NCOA2: variants seen among roughly 807,000 people sequenced by gnomAD.
NCOA2 encodes nuclear receptor coactivator 2, also known as class E basic helix-loop-helix protein 75.
In NCOA2, 21 loss-of-function variants were observed where a neutral mutation model predicts 145.1. The ratio of observed to expected loss-of-function variants is 0.14; its 90% CI spans 0.10 to 0.21. The LOEUF is 0.21. NCOA2 is among the 10% of genes least tolerant of loss of function. The pLI is 1.00. For missense variants in NCOA2, 1,472 were observed against 1,837.6 expected (o/e 0.80, Z 3.64); for synonymous variants, 619 against 637.5 (o/e 0.97, Z 0.44).
intron 4 of NCOA2, among the ~76,000 whole-genome samples, chr8:70,197,517 A>C (rs1586055511): frequency 6.6e-6 from 1 of 152,250 alleles, no homozygotes; most frequent in Non-Finnish European, 1.5e-5. Context: ...TGAGAGCCCC[A>C]CAACGACAGG....
At chr8:70,220,612 T>C (rs985851482) in intron 2 of NCOA2, among the ~76,000 whole-genome samples, 5 of 152,150 alleles carry the variant, frequency 3.3e-5, no homozygotes, top group Non-Finnish European at 7.4e-5. Flanking sequence ...ACAAAGCCAG[T>C]TGAATCCTTA....
In NCOA2 at chr8:70,174,871, A is replaced by G. The variant is rs747428854; in HGVS notation, c.260-12T>C. On this transcript the variant is annotated splice_polypyrimidine_tract_variant and intron_variant, in intron 4 of 22. Transcript: ENST00000452400. ...AGCTGCTGCTTTCTCTGCAATAAAC[A>G]TAAGTGTGAATTAAATGGCAGTGCT... The G allele has an allele frequency of 5.7e-5, 92 of 1,607,626 alleles. 1 individual carries two copies. Among genetic ancestry groups the G allele is most frequent in the Admixed American group, 2.5e-4 (15 of 59,970 alleles).
chr8:70,121,650 A>G (rs1472634101), intron 21 of NCOA2, among the ~76,000 whole-genome samples: 1 of 152,224 alleles, frequency 6.6e-6, no homozygotes, highest in Non-Finnish European at 1.5e-5. Flanking sequence ...AATCAAATTC[A>G]ATTGACTTAA....
intron 2 of NCOA2, among the ~76,000 whole-genome samples, chr8:70,296,490 G>A (rs1827099721): frequency 6.6e-6 from 1 of 152,120 alleles, no homozygotes; most frequent in Non-Finnish European, 1.5e-5. Flanking sequence ...CTCATCCAAT[G>A]GGTATAATGT....
chr8:70,366,087 A>G (rs1234657321), intron 1 of NCOA2, among the ~76,000 whole-genome samples: 2 of 152,240 alleles, frequency 1.3e-5, no homozygotes, highest in African/African-American at 2.4e-5. Context: ...TTCTCTTACC[A>G]GCATTAAACA....
intron 4 of NCOA2, among the ~76,000 whole-genome samples, chr8:70,187,881 C>CTAGAAGCTTAG (rs1435298204): frequency 6.6e-6 from 1 of 152,226 alleles, no homozygotes; most frequent in Non-Finnish European, 1.5e-5. Flanking sequence ...TAGATGCTAA[C>CTAGAAGCTTAG]TAATTTAGTA....
chr8:70,229,281 T>C (rs537816362), intron 2 of NCOA2, among the ~76,000 whole-genome samples: 1 of 152,292 alleles, frequency 6.6e-6, no homozygotes, highest in Non-Finnish European at 1.5e-5. Context: ...CAGAATTTGA[T>C]CTCATGAAAT....
At chr8:70,449,091 C>CCA in the NCOA2 span, among the ~76,000 whole-genome samples, 1 of 152,182 alleles carries the variant, frequency 6.6e-6, no homozygotes, top group Non-Finnish European at 1.5e-5. Context: ...CAGGCGTGAA[C>CCA]CACAGCACCT....
intron 11 of NCOA2, among the ~76,000 whole-genome samples, chr8:70,155,435 G>T (rs1812171508): frequency 1.3e-5 from 2 of 152,224 alleles, no homozygotes; most frequent in African/African-American, 4.8e-5. Context: ...TCAAGGAAGT[G>T]ATTATCTCCA....
the NCOA2 span, among the ~76,000 whole-genome samples, chr8:70,416,198 T>G: frequency 7.9e-5 from 12 of 151,002 alleles, no homozygotes; most frequent in South Asian, 1.7e-3. Flanking sequence ...TTTTTTTGTT[T>G]TTTTTTTTTT....
At position 70,307,328 on chromosome 8, in the gene NCOA2, A is replaced by G. The variant is rs1993691; in HGVS notation, c.-76-10528T>C. On this transcript the variant is annotated intron_variant, in intron 1 of 22. Coordinates refer to ENST00000452400, the MANE Select transcript of NCOA2 (RefSeq NM_006540.4). ...TGACAAAATGAGAACTTTACTTGAC[A>G]CAAGGAATTTCATTAGAAAAGAAGA... 1.2e-3 allele frequency among the ~76,000 whole-genome samples: 177 copies of G among 152,238 alleles called. 1 individual carries two copies. In the East Asian group the frequency reaches 0.026, roughly 23 times the overall value.
At chr8:70,333,062 A>G (rs988810420) in intron 1 of NCOA2, among the ~76,000 whole-genome samples, 4 of 152,216 alleles carry the variant, frequency 2.6e-5, no homozygotes, top group Non-Finnish European at 4.4e-5. Flanking sequence ...ATAGTGGCAA[A>G]GCAAGGATTC....
rs548901416 is a variant in NCOA2 at position 70,252,959 on chromosome 8, G to A, written c.-19-36195C>T. ...ACTGCATCTCTCACAGCATATCACT[G>A]CTTCTTAGCACCTTCAGCCTGTTCT... On this transcript the variant is annotated intron_variant, in intron 2 of 22. Transcript: ENST00000452400. Among the ~76,000 whole-genome samples the A allele has an allele frequency of 3.0e-4, 45 of 152,322 alleles. No homozygotes were observed. The South Asian group carries it at 9.3e-3, about 32-fold the overall frequency.
intron 11 of NCOA2, among the ~76,000 whole-genome samples, chr8:70,151,081 G>A (rs896910123): frequency 6.6e-5 from 10 of 152,148 alleles, no homozygotes; most frequent in African/African-American, 2.2e-4. Flanking sequence ...GGGTGAGGGA[G>A]GTGGGCTATA....
Position 70,146,671 on chromosome 8 carries a change from G to T in NCOA2, c.2605+1602C>A, listed in dbSNP as rs1332987392. ...ACAGTCCTTCATAACCTCCCCTAGG[G>T]CTAATGAGCATGGACTGTCTAGTGT... is the stretch of plus-strand genomic sequence containing the variant. On this transcript the variant is annotated intron_variant, in intron 12 of 22. Transcript: ENST00000452400. Among the ~76,000 whole-genome samples, 4 of 151,892 alleles carry T rather than the reference G, an allele frequency of 2.6e-5. No homozygotes were observed. The East Asian group carries it at 7.7e-4, about 29-fold the overall frequency.
At chr8:70,266,826 T>G (rs745479024) in intron 2 of NCOA2, among the ~76,000 whole-genome samples, 42 of 152,230 alleles carry the variant, frequency 2.8e-4, no homozygotes, top group Non-Finnish European at 1.2e-4. Context: ...ATATATATAC[T>G]ACGCATGAAT....
intron 1 of NCOA2, among the ~76,000 whole-genome samples, chr8:70,312,189 G>A (rs1399635396): frequency 2.0e-5 from 3 of 152,052 alleles, no homozygotes; most frequent in Non-Finnish European, 4.4e-5. Context: ...GAACTACAAG[G>A]AAGGGGAAAA....
chr8:70,419,114 A>C, the NCOA2 span, among the ~76,000 whole-genome samples: 11 of 151,884 alleles, frequency 7.2e-5, no homozygotes, highest in South Asian at 2.1e-4. Context: ...AAAAAAAAAA[A>C]AAACTAGATA....
chr8:70,423,445 A>G, the NCOA2 span, among the ~76,000 whole-genome samples: 4 of 152,110 alleles, frequency 2.6e-5, no homozygotes, highest in African/African-American at 7.2e-5. Flanking sequence ...GGCCTCCCGG[A>G]GTGCTGGGAT....
Sources: allele counts gnomAD v4.1 joint callset (sites outside exome capture counted in the v4.1 genomes callset), GRCh38; gene constraint gnomAD v4.1.1; transcripts MANE v1.5; gene names NCBI Gene and HGNC (gene_info 2026-07-23, HGNC 2026-07-21).